PHKG2: variants seen among roughly 807,000 people sequenced by gnomAD.
PHKG2 encodes phosphorylase b kinase gamma catalytic chain, liver/testis isoform.
In PHKG2, 28 loss-of-function variants were observed where a neutral mutation model predicts 44.5. The ratio of observed to expected loss-of-function variants is 0.63; its 90% CI spans 0.47 to 0.86. The LOEUF is 0.86. Among genes scored for constraint, PHKG2 ranks in the 40% least tolerant of loss-of-function variants. The pLI, the probability that PHKG2 is intolerant of heterozygous loss-of-function variation, is 0.00. For synonymous variants in PHKG2, 220 were observed against 211.2 expected (o/e 1.04, Z -0.36); for missense variants, 498 against 547.5 (o/e 0.91, Z 0.90).
Position 30,761,124 on chromosome 16 carries a change from G to T in PHKG2, c.*4027G>T. 1 of 1,529,096 alleles carries T rather than the reference G, an allele frequency of 6.5e-7. No homozygotes were observed. The highest frequency in any genetic ancestry group is 9.0e-7 in the Non-Finnish European group (1 of 1,112,338). 94.7% of individuals were successfully genotyped at this position (1,529,096 alleles called of 1,614,324 possible). ...TCATCTGTAAAATGGGGATGCCCTG[G>T]CCACAGACAGGACTGTTGGGGAGAC... On this transcript the variant is annotated 3_prime_UTR_variant, in exon 10 of 10. Transcript: ENST00000563588.
Position 30,759,634 on chromosome 16 carries a change from A to T in PHKG2, c.*2537A>T. On this transcript the variant is annotated 3_prime_UTR_variant, in exon 10 of 10. Transcript: ENST00000563588. ...GTCTGGGGATGGGTAAAGTTTCCAG[A>T]ATGTTCCAGGGGAACTGACCCTGAC... 2 of 1,614,052 alleles carry T rather than the reference A, an allele frequency of 1.2e-6. No individual in the cohort carries two copies. The highest frequency in any genetic ancestry group is 2.2e-5 in the South Asian group (2 of 91,086).
rs1392781574 is a variant in PHKG2, at chr16:30,751,235, G to T, written c.225G>T (p.Arg75=). Residue 75 remains arginine, a synonymous_variant, in exon 3 of 10, where the codon CGG becomes CGT. Transcript: ENST00000563588. ...EQLEEVREAT[R]RETHILRQVA... is the part of the protein sequence containing the mutation. ...TGGAGGAGGTGCGGGAAGCCACACG[G>T]CGAGAGACACACATCCTTCGCCAGG... is the stretch of plus-strand genomic sequence containing the variant. 2 of 1,612,984 alleles carry T rather than the reference G, an allele frequency of 1.2e-6. No homozygotes were observed. The highest frequency in any genetic ancestry group is 1.7e-5 in the Admixed American group (1 of 60,024).
At chr16:30,752,668 T>G (rs1229385011) in intron 4 of PHKG2, 1 of 156,048 alleles carries the variant, frequency 6.4e-6, no homozygotes, top group Non-Finnish European at 1.4e-5. Context: ...AATGGCCCTC[T>G]GCAAAAGTCA....
Position 30,756,733 on chromosome 16 carries a change from A to G in PHKG2, c.927+18A>G, listed in dbSNP as rs369022609. ...GGTTCCGGGTAAGCCTGAGTGTATCAGGGTCTGGGCCCGTTTCTCTGTCCC... is the reference window on the plus strand; with the variant it reads ...GGTTCCGGGTAAGCCTGAGTGTATCGGGGTCTGGGCCCGTTTCTCTGTCCC... On this transcript the variant is annotated intron_variant, in intron 9 of 9. Transcript: ENST00000563588. 9.3e-6 allele frequency: 15 copies of G among 1,613,924 alleles called. No homozygotes were observed. In the African/African-American group the frequency reaches 1.6e-4, roughly 17 times the overall value.
rs142375933 is a variant in PHKG2, at chr16:30,759,942, C to T, written c.*2845C>T. 2.6e-5 allele frequency: 38 copies of T among 1,441,742 alleles called. No individual in the cohort carries two copies. Among genetic ancestry groups the T allele is most frequent in the East Asian group, 1.2e-4 (5 of 40,318 alleles). The allele number at this position is 1,441,742 out of a possible 1,614,324, so 89.3% of individuals were successfully genotyped here. ...CAAGACAGACAAGGTCCTGCCCTTA[C>T]GAAGCTTATATTCTAGGGGAATAAA... On this transcript the variant is annotated 3_prime_UTR_variant, in exon 10 of 10. Transcript: ENST00000563588.
chr16:30,755,228 C>T (rs566478768), intron 6 of PHKG2: 11 of 193,704 alleles, frequency 5.7e-5, no homozygotes, highest in East Asian at 5.3e-4. Context: ...TGTGACATAG[C>T]GACCCTGTCT....
rs889296413 is a variant in PHKG2, at chr16:30,760,959, A to C, written c.*3862A>C. 3 of 612,790 alleles carry C rather than the reference A, an allele frequency of 4.9e-6. No individual in the cohort carries two copies. Among genetic ancestry groups the C allele is most frequent in the Admixed American group, 2.9e-5 (1 of 34,248 alleles). The allele number at this position is 612,790 out of a possible 1,614,324, so 38.0% of individuals were successfully genotyped here. On this transcript the variant is annotated 3_prime_UTR_variant, in exon 10 of 10. Transcript: ENST00000563588. ...TGGCCCTCAGTGTCCCCCTCTGTAC[A>C]ATACTCCTTAGCGGCCATGAGACTC...
chr16:30,754,773 C>T, intron 6 of PHKG2: 1 of 431,232 alleles, frequency 2.3e-6, no homozygotes, highest in Non-Finnish European at 4.8e-6. Flanking sequence ...TCAGGCTTCA[C>T]TTTAAACCTC....
In PHKG2 at chr16:30,760,593, C is replaced by G. The variant is rs1567272186; in HGVS notation, c.*3496C>G. On this transcript the variant is annotated 3_prime_UTR_variant, in exon 10 of 10. Transcript: ENST00000563588. ...TTGCCAAGAGCTCTTCCCACGCCCCCCTCAGTCCCTACTCCCTCATCTCAG... is the reference window on the plus strand; with the variant it reads ...TTGCCAAGAGCTCTTCCCACGCCCCGCTCAGTCCCTACTCCCTCATCTCAG... 3 of 1,560,100 alleles carry G rather than the reference C, an allele frequency of 1.9e-6. No individual in the cohort carries two copies. The highest frequency in any genetic ancestry group is 3.9e-5 in the Admixed American group (2 of 51,762).
rs1243445842 is a variant in PHKG2 at position 30,756,730 on chromosome 16, A to C, written c.927+15A>C. ...AGCGGTTCCGGGTAAGCCTGAGTGTATCAGGGTCTGGGCCCGTTTCTCTGT... is the reference window on the plus strand; with the variant it reads ...AGCGGTTCCGGGTAAGCCTGAGTGTCTCAGGGTCTGGGCCCGTTTCTCTGT... On this transcript the variant is annotated intron_variant, in intron 9 of 9. Coordinates refer to ENST00000563588, the MANE Select transcript of PHKG2 (RefSeq NM_000294.3). 6.2e-7 allele frequency: 1 copy of C among 1,614,076 alleles called. No homozygotes were observed. Among genetic ancestry groups the C allele is most frequent in the Non-Finnish European group, 8.5e-7 (1 of 1,180,002 alleles).
rs1467422719 is a variant in PHKG2 at position 30,760,296 on chromosome 16, T to G, written c.*3199T>G. ...TGCCCCCTCTCACCAATACAAGCCT[T>G]GTGAAGATCCTGGAGCAGGGCACAA... On this transcript the variant is annotated 3_prime_UTR_variant, in exon 10 of 10. Coordinates refer to ENST00000563588, the MANE Select transcript of PHKG2 (RefSeq NM_000294.3). 2 of 1,614,124 alleles carry G rather than the reference T, an allele frequency of 1.2e-6. No homozygotes were observed. Among genetic ancestry groups the G allele is most frequent in the Non-Finnish European group, 8.5e-7 (1 of 1,180,020 alleles).
Position 30,759,872 on chromosome 16 carries a change from A to G in PHKG2, c.*2775A>G, listed in dbSNP as rs1041581933. ...TGTTTCCTTAACTCATGTAACAAAT[A>G]CTGAATACCCACTATATGCCCACTG... On this transcript the variant is annotated 3_prime_UTR_variant, in exon 10 of 10. Coordinates refer to ENST00000563588, the MANE Select transcript of PHKG2 (RefSeq NM_000294.3). 1.4e-6 allele frequency: 2 copies of G among 1,453,922 alleles called. No individual in the cohort carries two copies. The highest frequency in any genetic ancestry group is 1.8e-6 in the Non-Finnish European group (2 of 1,107,166). The allele number at this position is 1,453,922 out of a possible 1,614,324, so 90.1% of individuals were successfully genotyped here. A position where few individuals can be genotyped will look rare whatever the true frequency, so the allele number is the denominator to read the frequency against.
chr16:30,753,109 T>C (rs751532060), intron 4 of PHKG2, 123 bp from the exon 5 acceptor site: 106 of 807,924 alleles, frequency 1.3e-4, no homozygotes, highest in Non-Finnish European at 2.1e-4. Context: ...TCTAGACCCT[T>C]TGGTTTGTCT....
chr16:30,748,714 T>A, intron 1 of PHKG2, 89 bp from the exon 2 acceptor site: 1 of 164,282 alleles, frequency 6.1e-6, no homozygotes, highest in East Asian at 1.4e-4. Flanking sequence ...GCGCCCCAGC[T>A]GCAAGGGCTG....
chr16:30,756,500 T>C lies in PHKG2; in HGVS notation c.781T>C (p.Ser261Pro). ...CAGTTCCCCCGAGTGGGATGACCGT[T>C]CCAGCACTGTCAAAGACCTGGTGAG... ...QFSSPEWDDR[S>P]STVKDLISRL... The change falls in exon 8 of 10, where the codon TCC becomes CCC. Residue 261 changes from serine (S) to proline (P), a missense_variant. Ser to Pro is a moderately conservative substitution (Grantham distance 74). Transcript: ENST00000563588. 6.2e-7 allele frequency: 1 copy of C among 1,613,210 alleles called. No homozygotes were observed. The highest frequency in any genetic ancestry group is 1.1e-5 in the South Asian group (1 of 91,078).
chr16:30,753,675 C>A, intron 6 of PHKG2, 118 bp downstream of exon 6: 1 of 1,001,512 alleles, frequency 1.0e-6, no homozygotes, highest in South Asian at 1.5e-5. Flanking sequence ...AGTCATTGGG[C>A]ACTTGCCAAG....
chr16:30,750,213 TA>T (rs535247818), intron 2 of PHKG2, among the ~76,000 whole-genome samples: 5 of 149,226 alleles, frequency 3.4e-5, no homozygotes, highest in Non-Finnish European at 6.0e-5. Flanking sequence ...TGTAAAAAAA[TA>T]AAAAAAAAAT....
In PHKG2 at chr16:30,759,543, A is replaced by G; in HGVS notation, c.*2446A>G. On this transcript the variant is annotated 3_prime_UTR_variant, in exon 10 of 10. Coordinates refer to ENST00000563588, the MANE Select transcript of PHKG2 (RefSeq NM_000294.3). ...CAAAAGCCCAGCAACAGGAGCAAGG[A>G]GAGCCCACTGGGGTCTTCACAAGAA... The G allele has an allele frequency of 6.2e-7, 1 of 1,614,142 alleles. No individual in the cohort carries two copies. Among genetic ancestry groups the G allele is most frequent in the Non-Finnish European group, 8.5e-7 (1 of 1,180,012 alleles).
In PHKG2 at chr16:30,753,466, G is replaced by A; in HGVS notation, c.465G>A (p.Lys155=). ...ACAACATTGTGCATCGAGATCTGAA[G>A]CCCGAGAATATTCTCCTAGATGACA... ...HANNIVHRDL[K]PENILLDDNM... The change falls in exon 6 of 10, where the codon AAG becomes AAA. Residue 155 remains lysine, a synonymous_variant. Transcript: ENST00000563588. 6.2e-7 allele frequency: 1 copy of A among 1,614,158 alleles called. No individual in the cohort carries two copies. The highest frequency in any genetic ancestry group is 2.2e-5 in the East Asian group (1 of 44,886).
Sources: allele counts gnomAD v4.1 joint callset (sites outside exome capture counted in the v4.1 genomes callset), GRCh38; gene constraint gnomAD v4.1.1; transcripts MANE v1.5; gene names NCBI Gene and HGNC (gene_info 2026-07-23, HGNC 2026-07-21).